The following CACNB2 variants were observed in gnomAD, a reference collection of about 807,000 sequenced individuals.
CACNB2 encodes voltage-dependent L-type calcium channel subunit beta-2.
In CACNB2, 42 loss-of-function variants were observed where a neutral mutation model predicts 73.3. The ratio of observed to expected loss-of-function variants is 0.57; its 90% CI spans 0.45 to 0.74. CACNB2 has a LOEUF of 0.74. Among genes scored for constraint, CACNB2 ranks in the 30% least tolerant of loss-of-function variants. CACNB2 has a pLI of 0.00. For missense variants in CACNB2, 940 were observed against 853.0 expected, an observed-to-expected ratio of 1.10 and a Z score of -1.27; for synonymous variants, 348 against 310.3, an observed-to-expected ratio of 1.12 and a Z score of -1.28.
chr10:18,482,999 T>C (rs2048866098), intron 3 of CACNB2, among the ~76,000 whole-genome samples: 1 of 152,192 alleles, frequency 6.6e-6, no homozygotes, highest in African/African-American at 2.4e-5. Context: ...CTTTGGACCT[T>C]GTTTCGGCCC....
intron 2 of CACNB2, among the ~76,000 whole-genome samples, chr10:18,379,623 A>C (rs2042933058): frequency 6.6e-6 from 1 of 150,834 alleles, no homozygotes; most frequent in Admixed American, 6.6e-5. Flanking sequence ...CCTGGCTGAA[A>C]CTCTGTGCCC....
chr10:18,463,586 T>TG lies in CACNB2; in HGVS notation c.334-34769_334-34768insG, dbSNP rs1483262720. The stretch of plus-strand genomic sequence containing the variant: ...CACGCCACAATGCCCTGCTAGTTGT[T>TG]TTTTTTTTGTTGTTTTTTGTTTTTT... On this transcript the variant is annotated intron_variant, in intron 3 of 13. Transcript: ENST00000324631. 6.3e-5 allele frequency among the ~76,000 whole-genome samples: 6 copies of TG among 94,880 alleles called. No individual in the cohort carries two copies. The South Asian group carries it at 1.1e-3, about 18-fold the overall frequency. The allele number at this position is 94,880 out of a possible 152,430, so 62.2% of individuals were successfully genotyped here.
intron 3 of CACNB2, among the ~76,000 whole-genome samples, chr10:18,414,146 G>A (rs149506660): frequency 1.3e-5 from 2 of 152,330 alleles, no homozygotes; most frequent in East Asian, 3.9e-4. Flanking sequence ...CAGTTGCCAT[G>A]GCAGGTCAGG....
At chr10:18,296,040 T>C (rs557666348) in intron 2 of CACNB2, among the ~76,000 whole-genome samples, 2 of 144,158 alleles carry the variant, frequency 1.4e-5, no homozygotes, top group South Asian at 4.8e-4. Flanking sequence ...CCGTGATCAC[T>C]GTATCTGTCT....
intron 3 of CACNB2, among the ~76,000 whole-genome samples, chr10:18,430,101 ATTTAC>A (rs1014760740): frequency 6.7e-6 from 1 of 150,164 alleles, no homozygotes; most frequent in Non-Finnish European, 1.5e-5. Context: ...TTTTACAATT[ATTTAC>A]TTAAGCAGAA....
intron 2 of CACNB2, among the ~76,000 whole-genome samples, chr10:18,372,422 T>G (rs536943910): frequency 7.8e-4 from 119 of 152,240 alleles, no homozygotes; most frequent in African/African-American, 2.6e-3. Context: ...TTACTTTTAT[T>G]TTGAGATGGA....
At chr10:18,235,535 AAC>A (rs2036408515) in intron 2 of CACNB2, among the ~76,000 whole-genome samples, 1 of 150,872 alleles carries the variant, frequency 6.6e-6, no homozygotes, top group African/African-American at 2.5e-5. Context: ...ATAATAAAAC[AAC>A]ACAGTTTCCT....
At chr10:18,346,903 T>C (rs1389841071) in intron 2 of CACNB2, among the ~76,000 whole-genome samples, 1 of 152,138 alleles carries the variant, frequency 6.6e-6, no homozygotes, top group Non-Finnish European at 1.5e-5. Flanking sequence ...GGCCTGTTAG[T>C]GGCTTTTTGG....
chr10:18,392,460 G>C (rs1042534276), intron 2 of CACNB2, among the ~76,000 whole-genome samples: 3 of 152,088 alleles, frequency 2.0e-5, no homozygotes, highest in Non-Finnish European at 4.4e-5. Flanking sequence ...TGGAGTGGTA[G>C]GAGGAATAGG....
chr10:18,414,926 C>T (rs183005729), intron 3 of CACNB2, among the ~76,000 whole-genome samples: 1 of 152,270 alleles, frequency 6.6e-6, no homozygotes, highest in African/African-American at 2.4e-5. Flanking sequence ...AAACAGTCAA[C>T]CCTCTCTGTT....
intron 5 of CACNB2, among the ~76,000 whole-genome samples, chr10:18,502,450 G>A (rs572378992): frequency 5.9e-5 from 9 of 151,696 alleles, no homozygotes; most frequent in Non-Finnish European, 1.3e-4. Context: ...CAGCACTTTG[G>A]GAGGCTGAGG....
At chr10:18,229,408 T>A (rs1298404288) in intron 2 of CACNB2, among the ~76,000 whole-genome samples, 1 of 152,198 alleles carries the variant, frequency 6.6e-6, no homozygotes, top group East Asian at 1.9e-4. Context: ...ACCACAGATA[T>A]GTACCCAGCC....
In CACNB2 at chr10:18,496,829, AAAAAAGG is replaced by A. The variant is rs1226873167; in HGVS notation, c.334-1520_334-1514del. Among the ~76,000 whole-genome samples, 195 of 147,848 alleles carry A rather than the reference AAAAAAGG, an allele frequency of 1.3e-3. 2 individuals carry two copies. Among genetic ancestry groups the A allele is most frequent in the African/African-American group, 4.9e-3 (188 of 38,488 alleles). ...AACTCCGCCTCAAAAAAAAAAAAAAAAAAAAGGAAAAAAAGAAAAAAAAAGTAGGTTA... is the reference window on the plus strand; with the variant it reads ...AACTCCGCCTCAAAAAAAAAAAAAAAAAAAAAAGAAAAAAAAAGTAGGTTA... On this transcript the variant is annotated intron_variant, in intron 3 of 13. Transcript: ENST00000324631.
intron 3 of CACNB2, among the ~76,000 whole-genome samples, chr10:18,447,876 T>A (rs2046811854): frequency 1.3e-5 from 2 of 152,306 alleles, no homozygotes; most frequent in South Asian, 2.1e-4. Flanking sequence ...GGAAATTCTT[T>A]GCCTCCAAAC....
chr10:18,294,441 C>T (rs1328880810), intron 2 of CACNB2, among the ~76,000 whole-genome samples: 2 of 152,090 alleles, frequency 1.3e-5, no homozygotes, highest in African/African-American at 2.4e-5. Flanking sequence ...CTCTAGGTAC[C>T]GAGGACGCAG....
In CACNB2 at chr10:18,366,344, A is replaced by G. The variant is rs922995083; in HGVS notation, c.214-35580A>G. 5.9e-5 allele frequency among the ~76,000 whole-genome samples: 9 copies of G among 151,926 alleles called. No homozygotes were observed. The East Asian group carries it at 1.4e-3, about 23-fold the overall frequency. On this transcript the variant is annotated intron_variant, in intron 2 of 13. Coordinates refer to ENST00000324631, the MANE Select transcript of CACNB2 (RefSeq NM_201596.3). ...GCCGGGCGTGGTGGCGGGCACCTGTAATCCTAGCTCCTCAGGAGGCTGAGG... is the reference window on the plus strand; with the variant it reads ...GCCGGGCGTGGTGGCGGGCACCTGTGATCCTAGCTCCTCAGGAGGCTGAGG...
intron 2 of CACNB2, among the ~76,000 whole-genome samples, chr10:18,296,756 T>G (rs950274543): frequency 1.3e-5 from 2 of 152,236 alleles, no homozygotes; most frequent in Non-Finnish European, 2.9e-5. Context: ...CCTTCTTTCC[T>G]CTTTCTCATT....
At chr10:18,315,529 CT>C (rs34198861) in intron 2 of CACNB2, among the ~76,000 whole-genome samples, 13 of 65,564 alleles carry the variant, frequency 2.0e-4, no homozygotes, top group East Asian at 9.5e-4. Context: ...AAAAAAAAAA[CT>C]TTTTTTTTTT....
chr10:18,429,076 C>G (rs912632558), intron 3 of CACNB2, among the ~76,000 whole-genome samples: 3 of 152,196 alleles, frequency 2.0e-5, no homozygotes, highest in Non-Finnish European at 4.4e-5. Context: ...TGAAGCTTGT[C>G]ATTGACAAGT....
Sources: allele counts gnomAD v4.1 joint callset (sites outside exome capture counted in the v4.1 genomes callset), GRCh38; gene constraint gnomAD v4.1.1; transcripts MANE v1.5; gene names NCBI Gene and HGNC (gene_info 2026-07-23, HGNC 2026-07-21).